ETV6: variants seen among roughly 807,000 people sequenced by gnomAD.
ETV6 encodes the protein ETS variant transcription factor 6.
ETV6 carries 16 observed loss-of-function variants against 51.1 expected under a neutral mutation model. The observed-to-expected ratio is 0.31, with a 90% CI of 0.21 to 0.48. ETV6 has a LOEUF of 0.48. Ranked by LOEUF, ETV6 falls within the 20% of genes least tolerant of loss-of-function variation. ETV6 has a pLI of 0.99. For synonymous variants in ETV6, 240 were observed against 224.1 expected (o/e 1.07, Z -0.64); for missense variants, 458 against 594.8 (o/e 0.77, Z 2.39).
intron 1 of ETV6, among the ~76,000 whole-genome samples, chr12:11,721,699 T>A (rs1408112036): frequency 1.3e-5 from 2 of 152,268 alleles, no homozygotes; most frequent in East Asian, 3.9e-4. Flanking sequence ...AAAGTAAAAG[T>A]TGGAAAAGAA....
chr12:11,850,334 G>A (rs1207652201), intron 3 of ETV6, among the ~76,000 whole-genome samples: 2 of 152,162 alleles, frequency 1.3e-5, no homozygotes, highest in Non-Finnish European at 2.9e-5. Flanking sequence ...GACCCCCAGA[G>A]GCTTAGCCCA....
At chr12:11,786,045 G>A (rs1565525378) in intron 2 of ETV6, among the ~76,000 whole-genome samples, 1 of 152,206 alleles carries the variant, frequency 6.6e-6, no homozygotes, top group Non-Finnish European at 1.5e-5. Context: ...TGGGAGGAAG[G>A]GAAGATTTGG....
intron 4 of ETV6, among the ~76,000 whole-genome samples, chr12:11,867,111 G>A (rs757943444): frequency 6.6e-6 from 1 of 152,126 alleles, no homozygotes; most frequent in African/African-American, 2.4e-5. Context: ...ATCCTCTCCG[G>A]TTTTTGTCTG....
chr12:11,739,274 C>A (rs1177329818), intron 1 of ETV6, among the ~76,000 whole-genome samples: 3 of 152,088 alleles, frequency 2.0e-5, no homozygotes, highest in African/African-American at 7.2e-5. Context: ...GGAAAAGGAA[C>A]AGGGGTCAAC....
intron 2 of ETV6, among the ~76,000 whole-genome samples, chr12:11,765,484 TTTAAATGGA>T (rs1412269546): frequency 2.0e-5 from 3 of 152,160 alleles, no homozygotes; most frequent in African/African-American, 7.2e-5. Flanking sequence ...ATGAAGTGAT[TTTAAATGGA>T]AAATTAAAAA....
chr12:11,823,197 G>C (rs998945373), intron 2 of ETV6, among the ~76,000 whole-genome samples: 1 of 152,162 alleles, frequency 6.6e-6, no homozygotes, highest in South Asian at 2.1e-4. Context: ...CTAAGGGCTT[G>C]CATGGGGGAA....
intron 1 of ETV6, among the ~76,000 whole-genome samples, chr12:11,675,037 C>T (rs1365305964): frequency 6.6e-6 from 1 of 152,218 alleles, no homozygotes; most frequent in Non-Finnish European, 1.5e-5. Flanking sequence ...CTGAGACAGG[C>T]CTTGTCTTTT....
intron 1 of ETV6, among the ~76,000 whole-genome samples, chr12:11,686,654 A>G (rs976862561): frequency 3.3e-5 from 5 of 152,024 alleles, no homozygotes; most frequent in Non-Finnish European, 5.9e-5. Flanking sequence ...CAGCCTCCCG[A>G]ATATATGGGA....
intron 3 of ETV6, among the ~76,000 whole-genome samples, chr12:11,852,954 A>C (rs1357452106): frequency 1.3e-5 from 2 of 152,188 alleles, no homozygotes; most frequent in Non-Finnish European, 2.9e-5. Flanking sequence ...TGGGAGGCCT[A>C]GGCGAGTGGA....
intron 1 of ETV6, among the ~76,000 whole-genome samples, chr12:11,710,872 C>T (rs1865160475): frequency 6.6e-6 from 1 of 152,124 alleles, no homozygotes; most frequent in Admixed American, 6.5e-5. Context: ...CATGAGTCTG[C>T]TCTCTGGTCA....
intron 2 of ETV6, among the ~76,000 whole-genome samples, chr12:11,786,654 C>T (rs930872684): frequency 6.6e-6 from 1 of 152,142 alleles, no homozygotes; most frequent in Non-Finnish European, 1.5e-5. Context: ...TGATGTTGAA[C>T]GAGTCACTTG....
At chr12:11,676,230 T>G (rs562927015) in intron 1 of ETV6, among the ~76,000 whole-genome samples, 1 of 152,278 alleles carries the variant, frequency 6.6e-6, no homozygotes, top group African/African-American at 2.4e-5. Flanking sequence ...TTTTTCTTAG[T>G]CTACTCTCAG....
At chr12:11,880,201 G>A (rs1222885959) in intron 5 of ETV6, among the ~76,000 whole-genome samples, 1 of 152,154 alleles carries the variant, frequency 6.6e-6, no homozygotes, top group Non-Finnish European at 1.5e-5. Context: ...TCCTATTGCT[G>A]TCTCCGTTAG....
intron 1 of ETV6, among the ~76,000 whole-genome samples, chr12:11,682,142 C>T (rs12809794): frequency 0.072 from 10,978 of 152,106 alleles, 632 homozygotes; most frequent in African/African-American, 0.16. Context: ...GAGGAATCGC[C>T]GCACTGTCCA....
intron 1 of ETV6, among the ~76,000 whole-genome samples, chr12:11,668,056 A>G (rs1864229424): frequency 6.7e-6 from 1 of 148,818 alleles, no homozygotes; most frequent in South Asian, 2.1e-4. Flanking sequence ...CTGGTCTTGA[A>G]CTCCTGGACT....
At chr12:11,833,004 C>T (rs949109701) in intron 2 of ETV6, among the ~76,000 whole-genome samples, 3 of 152,052 alleles carry the variant, frequency 2.0e-5, no homozygotes, top group Admixed American at 6.6e-5. Flanking sequence ...TGCTAGAAAT[C>T]GATGGAAATC....
intron 1 of ETV6, among the ~76,000 whole-genome samples, chr12:11,719,211 G>T (rs907089104): frequency 1.3e-5 from 2 of 152,220 alleles, no homozygotes; most frequent in Non-Finnish European, 1.5e-5. Context: ...TTTGCTCCAC[G>T]CAGGAGGCCT....
chr12:11,865,464 T>G (rs1946778992), intron 4 of ETV6, among the ~76,000 whole-genome samples: 1 of 151,602 alleles, frequency 6.6e-6, no homozygotes, highest in African/African-American at 2.4e-5. Flanking sequence ...TTAACGTATC[T>G]CTTAAGTTTT....
intron 2 of ETV6, among the ~76,000 whole-genome samples, chr12:11,794,465 C>G (rs1468106320): frequency 6.6e-6 from 1 of 152,190 alleles, no homozygotes; most frequent in Non-Finnish European, 1.5e-5. Context: ...ACTCAGAGAT[C>G]TTATTCTAAC....
Sources: gnomAD v4.1 joint callset for allele counts (sites outside exome capture counted in the v4.1 genomes callset) on GRCh38, gnomAD v4.1.1 for gene constraint, MANE v1.5 for transcripts, NCBI Gene and HGNC (gene_info 2026-07-23, HGNC 2026-07-21) for gene names.